Variants in LARGE1 observed in about 807,000 individuals in gnomAD.
LARGE1 encodes the protein LARGE xylosyl- and glucuronyltransferase 1.
LARGE1 carries 43 observed loss-of-function variants against 87.6 expected under a neutral mutation model. The observed-to-expected ratio is 0.49, with a 90% CI of 0.38 to 0.63. LARGE1 has a LOEUF of 0.63. Among genes scored for constraint, LARGE1 ranks in the 30% least tolerant of loss-of-function variants. The pLI is 0.00. For missense variants in LARGE1, 802 were observed against 1,000.2 expected, an observed-to-expected ratio of 0.80 and a Z score of 2.67; for synonymous variants, 434 against 394.6, an observed-to-expected ratio of 1.10 and a Z score of -1.18.
At chr22:33,333,370 T>G (rs1937998442) in intron 10 of LARGE1, among the ~76,000 whole-genome samples, 1 of 152,122 alleles carries the variant, frequency 6.6e-6, no homozygotes, top group Non-Finnish European at 1.5e-5. Flanking sequence ...CATTTCATCC[T>G]CTACCTTGAG....
chr22:33,391,991 G>C (rs191242907), intron 7 of LARGE1, among the ~76,000 whole-genome samples: 13 of 151,622 alleles, frequency 8.6e-5, no homozygotes, highest in African/African-American at 3.1e-4. Context: ...GGCTGCTCTC[G>C]AACTCCTGAC....
intron 2 of LARGE1, among the ~76,000 whole-genome samples, chr22:33,679,575 G>A (rs554433390): frequency 1.1e-4 from 16 of 152,080 alleles, no homozygotes; most frequent in Non-Finnish European, 2.2e-4. Context: ...AGGTACGGTG[G>A]TTCACACCTG....
chr22:33,676,590 C>CAAA lies in LARGE1; in HGVS notation c.107-25925_107-25923dup, dbSNP rs34160766. Among the ~76,000 whole-genome samples, 519 of 132,190 alleles carry CAAA rather than the reference C, an allele frequency of 3.9e-3. 4 individuals are homozygous for CAAA. The highest frequency in any genetic ancestry group is 0.014 in the African/African-American group (502 of 36,372). The allele number at this position is 132,190 out of a possible 152,430, so 86.7% of individuals were successfully genotyped here. A position where few individuals can be genotyped will look rare whatever the true frequency, so the allele number is the denominator to read the frequency against. On this transcript the variant is annotated intron_variant, in intron 2 of 14. Coordinates refer to ENST00000397394, the MANE Select transcript of LARGE1 (RefSeq NM_133642.5). ...TACAGGAAAAGAAAAACACCACCAA[C>CAAA]AAAAAAAAAAAATAAGAAAATCAAC... is the stretch of plus-strand genomic sequence containing the variant.
chr22:33,314,491 G>A (rs765057268), intron 11 of LARGE1, among the ~76,000 whole-genome samples: 4 of 152,150 alleles, frequency 2.6e-5, no homozygotes, highest in Admixed American at 1.3e-4. Context: ...GCATCCAGGT[G>A]TTTGTTCTTT....
intron 9 of LARGE1, 128 bp from the exon 10 acceptor site, chr22:33,337,929 C>T: frequency 9.4e-7 from 1 of 1,067,680 alleles, no homozygotes; most frequent in Admixed American, 2.1e-5. Context: ...GCTCATTCAA[C>T]ATTTTGGCAG....
At chr22:33,228,478 T>G (rs1364058716) in intron 11 of LARGE1, among the ~76,000 whole-genome samples, 1 of 152,214 alleles carries the variant, frequency 6.6e-6, no homozygotes, top group East Asian at 1.9e-4. Context: ...CTTTCAAACA[T>G]TGGTTCTATC....
At chr22:33,241,548 A>G (rs1926513853) in intron 11 of LARGE1, among the ~76,000 whole-genome samples, 1 of 149,288 alleles carries the variant, frequency 6.7e-6, no homozygotes, top group Non-Finnish European at 1.5e-5. Context: ...ATGTGTATAT[A>G]TGTATATGTA....
intron 3 of LARGE1, among the ~76,000 whole-genome samples, chr22:33,636,825 C>G (rs1026929051): frequency 1.1e-4 from 16 of 152,138 alleles, no homozygotes; most frequent in African/African-American, 3.9e-4. Context: ...AGCCACCATG[C>G]CCAGCCCCAT....
chr22:33,872,815 T>A (rs2064337522), intron 1 of LARGE1, among the ~76,000 whole-genome samples: 1 of 151,970 alleles, frequency 6.6e-6, no homozygotes, highest in Non-Finnish European at 1.5e-5. Flanking sequence ...CTGGCCAACA[T>A]GGCAAAACCC....
At chr22:33,481,220 T>TAC (rs71785834) in intron 6 of LARGE1, among the ~76,000 whole-genome samples, 29,414 of 146,466 alleles carry the variant, frequency 0.2, 3,168 homozygotes, top group East Asian at 0.3. Flanking sequence ...GCACTATAGA[T>TAC]ACACACACAC....
chr22:33,411,222 A>C (rs2066294891), intron 7 of LARGE1, among the ~76,000 whole-genome samples: 1 of 152,212 alleles, frequency 6.6e-6, no homozygotes, highest in African/African-American at 2.4e-5. Flanking sequence ...GTAAATACTA[A>C]GCCAGGTCAA....
At chr22:33,682,606 T>C (rs1342002203) in intron 2 of LARGE1, among the ~76,000 whole-genome samples, 1 of 152,254 alleles carries the variant, frequency 6.6e-6, no homozygotes, top group Admixed American at 6.5e-5. Flanking sequence ...ACTCTTTCAT[T>C]GTATGAAATC....
chr22:33,286,553 A>T (rs527336432), intron 12 of LARGE1, among the ~76,000 whole-genome samples: 1 of 152,288 alleles, frequency 6.6e-6, no homozygotes, highest in South Asian at 2.1e-4. Flanking sequence ...CTCTGCCCGC[A>T]TGGTGCTTAC....
intron 11 of LARGE1, among the ~76,000 whole-genome samples, chr22:33,216,597 CAAAAA>C (rs71673655): frequency 2.4e-5 from 3 of 122,620 alleles, no homozygotes; most frequent in East Asian, 2.9e-4. Context: ...CACTCCATCT[CAAAAA>C]AAAAAAAAAA....
At chr22:33,605,559 C>T (rs546897515) in intron 4 of LARGE1, among the ~76,000 whole-genome samples, 63 of 152,206 alleles carry the variant, frequency 4.1e-4, no homozygotes, top group Non-Finnish European at 7.4e-4. Flanking sequence ...GTGCAAAATA[C>T]GGCACATCAA....
intron 11 of LARGE1, among the ~76,000 whole-genome samples, chr22:33,305,243 C>T (rs1174591924): frequency 6.6e-6 from 1 of 151,680 alleles, no homozygotes; most frequent in Non-Finnish European, 1.5e-5. Flanking sequence ...GTGATGCTGT[C>T]TGCATCACTC....
intron 6 of LARGE1, among the ~76,000 whole-genome samples, chr22:33,452,095 T>C (rs532831233): frequency 2.0e-5 from 3 of 152,352 alleles, no homozygotes; most frequent in East Asian, 3.9e-4. Context: ...CAGTTATTTA[T>C]TGAGAGGTGA....
chr22:33,341,039 T>C (rs1334668922), intron 9 of LARGE1, among the ~76,000 whole-genome samples: 1 of 148,756 alleles, frequency 6.7e-6, no homozygotes, highest in Non-Finnish European at 1.5e-5. Flanking sequence ...GTATATCAAA[T>C]GTAATGGACT....
intron 11 of LARGE1, among the ~76,000 whole-genome samples, chr22:33,251,615 C>T (rs1927011342): frequency 6.6e-6 from 1 of 152,144 alleles, no homozygotes; most frequent in Admixed American, 6.6e-5. Flanking sequence ...TTGGTTTTCC[C>T]TTTGCTTGTT....
Sources: allele counts gnomAD v4.1 joint callset (sites outside exome capture counted in the v4.1 genomes callset), GRCh38; gene constraint gnomAD v4.1.1; transcripts MANE v1.5; gene names NCBI Gene and HGNC (gene_info 2026-07-23, HGNC 2026-07-21).